Variants in SHROOM3 observed in about 807,000 individuals in gnomAD.
SHROOM3 encodes the protein protein Shroom3.
In SHROOM3, 47 loss-of-function variants were observed where a neutral mutation model predicts 138.6. The observed-to-expected ratio is 0.34, with a 90% CI of 0.27 to 0.43. The LOEUF (loss-of-function observed/expected upper bound fraction) is 0.43, where lower values mean the gene tolerates loss of function less well. Ranked by LOEUF, SHROOM3 falls within the 20% of genes least tolerant of loss-of-function variation. SHROOM3 has a pLI of 1.00. For synonymous variants in SHROOM3, 1,062 were observed against 1,063.3 expected (o/e 1.00, Z 0.02); for missense variants, 2,491 against 2,596.5 (o/e 0.96, Z 0.88).
At chr4:76,716,356 A>G (rs753263980) in intron 3 of SHROOM3, 1 of 519,030 alleles carries the variant, frequency 1.9e-6, no homozygotes, top group Admixed American at 1.9e-5. Context: ...ACGACTGAAT[A>G]TGACATCCAA....
chr4:76,699,783 A>G (rs1719853035), intron 2 of SHROOM3, among the ~76,000 whole-genome samples: 1 of 152,176 alleles, frequency 6.6e-6, no homozygotes. Flanking sequence ...AGCATAGTCT[A>G]GGAGAGGCAT....
At chr4:76,758,482 G>A (rs1349452554) in intron 8 of SHROOM3, 1 of 149,506 alleles carries the variant, frequency 6.7e-6, no homozygotes, top group Non-Finnish European at 1.5e-5. Flanking sequence ...AAAGGCATGC[G>A]CCATCTCCTG....
chr4:76,740,365 C>A lies in SHROOM3; in HGVS notation c.2192C>A (p.Ala731Asp), dbSNP rs1478405296. The A allele has an allele frequency of 6.2e-7, 1 of 1,613,060 alleles. No homozygotes were observed. Among genetic ancestry groups the A allele is most frequent in the South Asian group, 1.1e-5 (1 of 91,076 alleles). Residue 731 changes from alanine (A) to aspartate (D), a missense_variant, in exon 5 of 11, where the codon GCC becomes GAC. Ala to Asp is a moderately radical substitution (Grantham distance 126). Transcript: ENST00000296043. This position sits in a 1 kb window ranked among gnomAD's most constrained non-coding sequence, Gnocchi z 4.0. ...SYPRPEGRTGASASFNSTDPS... is the reference protein window; with the variant it reads ...SYPRPEGRTGDSASFNSTDPS... ...CCGCGGCCCGAGGGGAGGACCGGTG[C>A]CTCGGCTTCTTTCAACAGCACAGAC...
intron 10 of SHROOM3, among the ~76,000 whole-genome samples, chr4:76,772,366 A>T (rs1216294361): frequency 6.6e-6 from 1 of 151,872 alleles, no homozygotes; most frequent in Non-Finnish European, 1.5e-5. Context: ...GGCCTCGCAA[A>T]GTGCTGGGGT....
chr4:76,437,568 C>A (rs956939572), intron 1 of SHROOM3, among the ~76,000 whole-genome samples: 1 of 152,144 alleles, frequency 6.6e-6, no homozygotes, highest in Non-Finnish European at 1.5e-5. Flanking sequence ...TCTCATTAGA[C>A]CTTTGCTTTC....
intron 2 of SHROOM3, among the ~76,000 whole-genome samples, chr4:76,566,569 G>A (rs767189445): frequency 1.3e-5 from 2 of 152,156 alleles, no homozygotes; most frequent in Non-Finnish European, 2.9e-5. Context: ...TCAGATCTTC[G>A]AAGGTCCTGG....
chr4:76,442,415 T>G (rs938808656), intron 1 of SHROOM3, among the ~76,000 whole-genome samples: 3 of 147,700 alleles, frequency 2.0e-5, no homozygotes, highest in Non-Finnish European at 4.5e-5. Flanking sequence ...TTTTTTTTTT[T>G]TTTTTTTTTT....
intron 2 of SHROOM3, among the ~76,000 whole-genome samples, chr4:76,599,154 A>G (rs1206386994): frequency 6.6e-6 from 1 of 151,962 alleles, no homozygotes; most frequent in African/African-American, 2.4e-5. Flanking sequence ...AGATCAATAA[A>G]CCCAAGAACT....
At chr4:76,541,445 C>T (rs1485680168) in intron 1 of SHROOM3, among the ~76,000 whole-genome samples, 1 of 152,174 alleles carries the variant, frequency 6.6e-6, no homozygotes, top group African/African-American at 2.4e-5. Flanking sequence ...TGAGGCATGG[C>T]TGGGGGCCAG....
rs111315333 is a variant in SHROOM3 at position 76,538,603 on chromosome 4, A to G, written c.169-17006A>G. 7.3e-4 allele frequency among the ~76,000 whole-genome samples: 111 copies of G among 152,326 alleles called. 1 individual carries two copies. Among genetic ancestry groups the G allele is most frequent in the African/African-American group, 2.5e-3 (105 of 41,580 alleles). ...AGGAATCTGATAGCAGGATGTTCCA[A>G]CTGGGTGTGGGTAGAAAAAATGTTC... On this transcript the variant is annotated intron_variant, in intron 1 of 10. Coordinates refer to ENST00000296043, the MANE Select transcript of SHROOM3 (RefSeq NM_020859.4).
intron 2 of SHROOM3, among the ~76,000 whole-genome samples, chr4:76,581,578 T>TA (rs955077127): frequency 7.9e-5 from 12 of 152,294 alleles, no homozygotes; most frequent in African/African-American, 2.6e-4. Flanking sequence ...CAGCCTGGGA[T>TA]AAAAAATGAT....
chr4:76,759,525 TTG>T lies in SHROOM3; in HGVS notation c.5199-17_5199-16del. 1 of 1,613,874 alleles carries T rather than the reference TTG, an allele frequency of 6.2e-7. No individual in the cohort carries two copies. The highest frequency in any genetic ancestry group is 8.5e-7 in the Non-Finnish European group (1 of 1,179,916). ...CTGGCGTGATCTGTGTGGCTATACTTTGTGCTCTTTTTGGCCCAGGAATGAAG... is the reference window on the plus strand; with the variant it reads ...CTGGCGTGATCTGTGTGGCTATACTTTGCTCTTTTTGGCCCAGGAATGAAG... On this transcript the variant is annotated intron_variant, in intron 8 of 10. Transcript: ENST00000296043.
At chr4:76,561,570 A>G (rs1391472066) in intron 2 of SHROOM3, among the ~76,000 whole-genome samples, 1 of 151,914 alleles carries the variant, frequency 6.6e-6, no homozygotes, top group East Asian at 1.9e-4. Context: ...GGCCAAAATA[A>G]GAGTCTAGTT....
At chr4:76,631,135 G>A (rs1735304291) in intron 2 of SHROOM3, among the ~76,000 whole-genome samples, 1 of 151,498 alleles carries the variant, frequency 6.6e-6, no homozygotes, top group Non-Finnish European at 1.5e-5. Flanking sequence ...GGGGTCTTGG[G>A]ATAGAGAGAG....
At chr4:76,504,278 C>T (rs145716800) in intron 1 of SHROOM3, among the ~76,000 whole-genome samples, 2 of 152,252 alleles carry the variant, frequency 1.3e-5, no homozygotes, top group Non-Finnish European at 2.9e-5. Context: ...CCTGTCTCAG[C>T]CTCCCAAGTA....
intron 2 of SHROOM3, chr4:76,689,624 C>G (rs905018016): frequency 1.0e-6 from 1 of 985,236 alleles, no homozygotes; most frequent in African/African-American, 1.7e-5. Context: ...CTCCTCGGAG[C>G]GGCGGCGAAG....
chr4:76,721,138 C>T (rs1195717201), intron 3 of SHROOM3, among the ~76,000 whole-genome samples: 2 of 151,408 alleles, frequency 1.3e-5, no homozygotes, highest in Admixed American at 6.6e-5. Flanking sequence ...GGTGAAACCC[C>T]GTCTCTACTA....
intron 2 of SHROOM3, among the ~76,000 whole-genome samples, chr4:76,693,256 A>G (rs1719608752): frequency 6.6e-6 from 1 of 152,008 alleles, no homozygotes; most frequent in African/African-American, 2.4e-5. Context: ...TTTGGAGTTG[A>G]TGAAAAAGTA....
intron 2 of SHROOM3, among the ~76,000 whole-genome samples, chr4:76,647,925 A>T (rs1735861848): frequency 1.3e-5 from 2 of 152,218 alleles, no homozygotes; most frequent in African/African-American, 4.8e-5. Flanking sequence ...ACAGAAAAAA[A>T]CTATGGACCT....
Sources: allele counts gnomAD v4.1 joint callset (sites outside exome capture counted in the v4.1 genomes callset), GRCh38; gene constraint gnomAD v4.1.1; non-coding constraint Gnocchi (gnomAD v3.1); transcripts MANE v1.5; gene names NCBI Gene and HGNC (gene_info 2026-07-23, HGNC 2026-07-21).